PIEZO1: variants seen among roughly 807,000 people sequenced by gnomAD.
PIEZO1 encodes the protein piezo-type mechanosensitive ion channel component 1.
Under a neutral mutation model 297.2 loss-of-function variants are expected in PIEZO1, and 296 were observed. The ratio of observed to expected loss-of-function variants is 1.00; its 90% confidence interval spans 0.91 to 1.10. The LOEUF (loss-of-function observed/expected upper bound fraction) is 1.10. Ranked by LOEUF, PIEZO1 falls within the 50% of genes least tolerant of loss-of-function variation. The pLI is 0.00. For missense variants in PIEZO1, 5,018 were observed against 3,455.5 expected (o/e 1.45, Z -11.34); for synonymous variants, 2,427 against 1,507.5 (o/e 1.61, Z -14.13).
chr16:88,779,036 CTTTT>C (rs34383297), intron 1 of PIEZO1, among the ~76,000 whole-genome samples: 4 of 135,154 alleles, frequency 3.0e-5, no homozygotes, highest in African/African-American at 8.4e-5. Context: ...TACGACTTCA[CTTTT>C]TTTTTTTTTT....
intron 27 of PIEZO1, 127 bp from the exon 28 acceptor site, chr16:88,725,811 ACCCACGGGGGAGGCATCTGCTGCC>A (rs1044308899): frequency 5.5e-5 from 35 of 634,800 alleles, no homozygotes; most frequent in Non-Finnish European, 8.0e-5. Flanking sequence ...GACAAGAGGC[ACCCACGGGGGAGGCATCTGCTGCC>A]CCCACCCTCC....
rs914719660 is a variant in PIEZO1 at position 88,715,437 on chromosome 16, A to C, written c.*168T>G. On this transcript the variant is annotated 3_prime_UTR_variant, in exon 51 of 51. Coordinates refer to ENST00000301015, the MANE Select transcript of PIEZO1 (RefSeq NM_001142864.4). ...AGCGCCACGCAGGCCGTGGGGACGCAGTGTCCTTCTCTGACAGCAGCATCA... is the reference window on the plus strand; with the variant it reads ...AGCGCCACGCAGGCCGTGGGGACGCCGTGTCCTTCTCTGACAGCAGCATCA... 25 of 930,676 alleles carry C rather than the reference A, an allele frequency of 2.7e-5. No individual in the cohort carries two copies. The highest frequency in any genetic ancestry group is 3.7e-5 in the Non-Finnish European group (23 of 629,136). 57.7% of individuals were successfully genotyped at this position (930,676 alleles called of 1,614,324 possible).
chr16:88,759,119 C>T (rs1254040570), intron 1 of PIEZO1, among the ~76,000 whole-genome samples: 2 of 152,180 alleles, frequency 1.3e-5, no homozygotes, highest in Non-Finnish European at 2.9e-5. Flanking sequence ...AGGAAAAGGA[C>T]TGGAGGAAAC....
intron 1 of PIEZO1, among the ~76,000 whole-genome samples, chr16:88,772,547 G>A (rs1323423118): frequency 6.6e-6 from 1 of 152,124 alleles, no homozygotes; most frequent in Non-Finnish European, 1.5e-5. Flanking sequence ...TTGGGAGGCC[G>A]AGGCAAGCAG....
chr16:88,755,743 C>T (rs1317523457), intron 1 of PIEZO1, among the ~76,000 whole-genome samples: 2 of 152,240 alleles, frequency 1.3e-5, no homozygotes, highest in African/African-American at 2.4e-5. Context: ...GTGCAGAAGG[C>T]ACCATGAGAG....
rs1905734423 is a variant in PIEZO1 at position 88,742,329 on chromosome 16, G to C, written c.254C>G (p.Pro85Arg). 2.0e-6 allele frequency: 3 copies of C among 1,535,228 alleles called. No individual in the cohort carries two copies. The highest frequency in any genetic ancestry group is 1.4e-5 in the African/African-American group (1 of 73,152). The change falls in exon 3 of 51, where the codon CCC (proline) becomes CGC (arginine). Residue 85 changes from proline (P) to arginine (R), a missense_variant. Pro to Arg is a moderately radical substitution (Grantham distance 103). Coordinates refer to ENST00000301015, the MANE Select transcript of PIEZO1 (RefSeq NM_001142864.4). ...LALQICLHIVPRLDQLLGPSC... is the reference protein window; with the variant it reads ...LALQICLHIVRRLDQLLGPSC... Reference sequence around the variant, plus strand: ...GGGTCCCAGGAGCTGGTCCAGGCGGGGCACAATATGCAGGCAGATCTGGAG... The same window carrying C: ...GGGTCCCAGGAGCTGGTCCAGGCGGCGCACAATATGCAGGCAGATCTGGAG...
rs1389635527 is a variant in PIEZO1 at position 88,717,114 on chromosome 16, G to A, written c.6569C>T (p.Pro2190Leu). 1.3e-6 allele frequency: 2 copies of A among 1,551,376 alleles called. No individual in the cohort carries two copies. The highest frequency in any genetic ancestry group is 1.7e-6 in the Non-Finnish European group (2 of 1,147,154). Residue 2190 changes from proline to leucine, a missense_variant, in exon 45 of 51, where the codon CCA becomes CTA. Pro to Leu is a moderately conservative substitution (Grantham distance 98). Transcript: ENST00000301015. ...ILFLIAIIWF[P>L]LLFMSLVRSV... ...GCGCACCAGCGACATGAAGAGCAGT[G>A]GGAACCAGATGATGGCGATGAGGAA...
chr16:88,784,982 C>T lies in PIEZO1; in HGVS notation c.-18G>A, dbSNP rs1264379107. 4 of 1,299,666 alleles carry T rather than the reference C, an allele frequency of 3.1e-6. No individual in the cohort carries two copies. The Admixed American group carries it at 9.5e-5, about 31-fold the overall frequency. The allele number at this position is 1,299,666 out of a possible 1,614,324, so 80.5% of individuals were successfully genotyped here. ...GGCTCCATGGCTGGAGGGCCCAGGG[C>T]CCGGCCCAGACCGAGCGGACGCCGC... On this transcript the variant is annotated 5_prime_UTR_variant, in exon 1 of 51. Coordinates refer to ENST00000301015, the MANE Select transcript of PIEZO1 (RefSeq NM_001142864.4).
intron 37 of PIEZO1, 22 bp downstream of exon 37, chr16:88,721,786 C>G: frequency 6.5e-7 from 1 of 1,538,090 alleles, no homozygotes; most frequent in Non-Finnish European, 8.8e-7. Context: ...CGGGCGCCCC[C>G]TCCCCCGCGG....
rs1168484885 is a variant in PIEZO1 at position 88,733,903 on chromosome 16, C to G, written c.2329+3G>C. 7 of 1,491,988 alleles carry G rather than the reference C, an allele frequency of 4.7e-6. No individual in the cohort carries two copies. Among genetic ancestry groups the G allele is most frequent in the Non-Finnish European group, 5.4e-6 (6 of 1,114,036 alleles). The allele number at this position is 1,491,988 out of a possible 1,614,324, so 92.4% of individuals were successfully genotyped here. A position where few individuals can be genotyped will look rare whatever the true frequency, so the allele number is the denominator to read the frequency against. On this transcript the variant is annotated splice_donor_region_variant and intron_variant, in intron 17 of 50. Transcript: ENST00000301015. ...GCAGCTGTGCTCTGCCCGCCCAACC[C>G]ACCTTCAGGCACCTGCGTGGCCTGG...
chr16:88,759,535 G>A (rs962940217), intron 1 of PIEZO1, among the ~76,000 whole-genome samples: 44 of 152,252 alleles, frequency 2.9e-4, no homozygotes, highest in African/African-American at 1.0e-3. Flanking sequence ...CGGTGGGCGG[G>A]GCCGGGCAGA....
At chr16:88,783,170 C>A (rs955229385) in intron 1 of PIEZO1, among the ~76,000 whole-genome samples, 1 of 152,162 alleles carries the variant, frequency 6.6e-6, no homozygotes, top group African/African-American at 2.4e-5. Flanking sequence ...GAACAGTGAT[C>A]CCTCCCCCAG....
chr16:88,723,777 G>C (rs1033067266), intron 31 of PIEZO1, 94 bp downstream of exon 31: 15 of 694,802 alleles, frequency 2.2e-5, no homozygotes, highest in Non-Finnish European at 3.5e-5. Flanking sequence ...TCGGCTCCCA[G>C]GCCCTGGGGG....
chr16:88,715,848 C>G lies in PIEZO1; in HGVS notation c.7323G>C (p.Met2441Ile). ...CCAGCACGATGGACACGTACAGCCCCATGATGCTGCGGGGGAAGCTGGTGA... is the reference window on the plus strand; with the variant it reads ...CCAGCACGATGGACACGTACAGCCCGATGATGCTGCGGGGGAAGCTGGTGA... Reference protein sequence around the residue: ...SLGFLAGYGIMGLYVSIVLVI... With the variant: ...SLGFLAGYGIIGLYVSIVLVI... Residue 2441 changes from methionine to isoleucine, a missense_variant, in exon 51 of 51, where the codon ATG (methionine) becomes ATC (isoleucine). Coordinates refer to ENST00000301015, the MANE Select transcript of PIEZO1 (RefSeq NM_001142864.4). 2.6e-6 allele frequency: 4 copies of G among 1,549,808 alleles called. No individual in the cohort carries two copies. In the Middle Eastern group the frequency reaches 6.7e-4, roughly 259 times the overall value.
chr16:88,719,429 T>G (rs1912268904), intron 44 of PIEZO1, 145 bp downstream of exon 44: 1 of 688,470 alleles, frequency 1.5e-6, no homozygotes, highest in Non-Finnish European at 2.5e-6. Context: ...GATCAGCTAG[T>G]GGGTGGGCTC....
At position 88,717,021 on chromosome 16, in the gene PIEZO1, A is replaced by G; in HGVS notation, c.6660+2T>C. The G allele has an allele frequency of 1.3e-6, 2 of 1,550,346 alleles. No homozygotes were observed. Among genetic ancestry groups the G allele is most frequent in the Non-Finnish European group, 1.7e-6 (2 of 1,146,898 alleles). ...TGGACAGGCGGACCCACACATGCTC[A>G]CCTCATAGCCGCCCAGCTTCAGGGT... On this transcript the variant is annotated splice_donor_variant, in intron 45 of 50. Transcript: ENST00000301015. LOFTEE classifies it high-confidence loss of function.
At chr16:88,764,161 G>A (rs906451048) in intron 1 of PIEZO1, among the ~76,000 whole-genome samples, 1 of 152,172 alleles carries the variant, frequency 6.6e-6, no homozygotes, top group African/African-American at 2.4e-5. Context: ...AAACCCAGAG[G>A]TCATGAAGCT....
At position 88,726,577 on chromosome 16, in the gene PIEZO1, G is replaced by C. The variant is rs1324046570; in HGVS notation, c.3766C>G (p.Leu1256Val). The change falls in exon 26 of 51, where the codon CTT (leucine) becomes GTT (valine). Residue 1256 changes from leucine to valine, a missense_variant. Leu to Val is a conservative substitution (Grantham distance 32, BLOSUM62 1). Transcript: ENST00000301015. ...TAGTAGCCCTTGACGGTGCATACAAGGCTGAAGAGCTGGATGACCCAGCAG... is the reference window on the plus strand; with the variant it reads ...TAGTAGCCCTTGACGGTGCATACAACGCTGAAGAGCTGGATGACCCAGCAG... ...GFCWVIQLFS[L>V]VCTVKGYYDP... 5.8e-6 allele frequency: 9 copies of C among 1,550,210 alleles called. No homozygotes were observed. Among genetic ancestry groups the C allele is most frequent in the Non-Finnish European group, 7.8e-6 (9 of 1,146,888 alleles).
In PIEZO1 at chr16:88,737,595, C is replaced by G; in HGVS notation, c.1159G>C (p.Glu387Gln). The change falls in exon 10 of 51, where the codon GAG (glutamate) becomes CAG (glutamine). Residue 387 changes from glutamate (E) to glutamine (Q), a missense_variant. Transcript: ENST00000301015. ...DTEADNCIVH[E>Q]LTGQSSVLRR... ...AGGACGGAGCTCTGGCCGGTCAGCT[C>G]GTGCACGATGCAGTTATCAGCCTCG... 1.3e-6 allele frequency: 2 copies of G among 1,534,700 alleles called. No individual in the cohort carries two copies. Among genetic ancestry groups the G allele is most frequent in the Non-Finnish European group, 1.7e-6 (2 of 1,146,536 alleles).
Sources: allele counts gnomAD v4.1 joint callset (sites outside exome capture counted in the v4.1 genomes callset), GRCh38; gene constraint gnomAD v4.1.1; transcripts MANE v1.5; gene names NCBI Gene and HGNC (gene_info 2026-07-23, HGNC 2026-07-21).